Variants in CNTRL observed in about 807,000 individuals in gnomAD.
CNTRL encodes 110 kDa centrosomal protein.
In CNTRL, 233 loss-of-function variants were observed where a neutral mutation model predicts 303.7. That is an observed-to-expected ratio of 0.77 (90% CI 0.69 to 0.86). The LOEUF (loss-of-function observed/expected upper bound fraction) is 0.86, where lower values mean the gene tolerates loss of function less well. Among genes scored for constraint, CNTRL ranks in the 40% least tolerant of loss-of-function variants. The pLI is 0.00. For missense variants in CNTRL, 2,524 were observed against 2,650.6 expected (o/e 0.95, Z 1.05); for synonymous variants, 900 against 922.2 (o/e 0.98, Z 0.44).
intron 34 of CNTRL, among the ~76,000 whole-genome samples, chr9:121,163,189 A>T (rs926292331): frequency 7.6e-6 from 1 of 131,496 alleles, no homozygotes; most frequent in East Asian, 2.4e-4. Context: ...AAAAAAAAAA[A>T]ATAATAATAA....
At chr9:121,146,392 G>A (rs1221043872) in intron 23 of CNTRL, 136 bp downstream of exon 23, 21 of 854,058 alleles carry the variant, frequency 2.5e-5, no homozygotes, top group East Asian at 2.8e-5. Context: ...GTTCTGTAGC[G>A]TTTTTAATAT....
chr9:121,098,281 G>A, intron 6 of CNTRL, 105 bp from the exon 7 acceptor site: 5 of 850,158 alleles, frequency 5.9e-6, no homozygotes, highest in Non-Finnish European at 7.3e-6. Flanking sequence ...TTGGCTTCAT[G>A]AATAGATTCC....
At chr9:121,150,612 TA>T (rs901873321) in intron 25 of CNTRL, 129 bp downstream of exon 25, 2 of 852,952 alleles carry the variant, frequency 2.3e-6, no homozygotes, top group African/African-American at 3.4e-5. Flanking sequence ...GGCTGATGTT[TA>T]GAACTGTGCA....
intron 7 of CNTRL, among the ~76,000 whole-genome samples, chr9:121,099,559 T>C (rs2049043785): frequency 6.6e-6 from 1 of 152,202 alleles, no homozygotes; most frequent in African/African-American, 2.4e-5. Context: ...AGAATGACTT[T>C]AACGAGTTGA....
chr9:121,177,431 T>TA lies in CNTRL; in HGVS notation c.*247dup, dbSNP rs1588361111. On this transcript the variant is annotated 3_prime_UTR_variant, in exon 44 of 44. Transcript: ENST00000373855. ...ACATGTGGCTGAGCCTTTTTTTTTT[T>TA]AATCTTCGTAACATGTTTAAAAAAA... is the stretch of plus-strand genomic sequence containing the variant. 5.1e-6 allele frequency: 2 copies of TA among 395,550 alleles called. No individual in the cohort carries two copies. The highest frequency in any genetic ancestry group is 8.7e-5 in the South Asian group (1 of 11,442). The allele number at this position is 395,550 out of a possible 1,614,324, so 24.5% of individuals were successfully genotyped here.
chr9:121,083,292 T>A (rs1214278787), intron 2 of CNTRL, among the ~76,000 whole-genome samples: 1 of 152,234 alleles, frequency 6.6e-6, no homozygotes, highest in Non-Finnish European at 1.5e-5. Context: ...GTAGTAAAAC[T>A]TAGCTTAAAA....
chr9:121,158,303 A>G (rs1290331956), intron 30 of CNTRL, among the ~76,000 whole-genome samples, 194 bp downstream of exon 30: 1 of 152,134 alleles, frequency 6.6e-6, no homozygotes, highest in African/African-American at 2.4e-5. Flanking sequence ...AACATGGTAT[A>G]CTCTATGAGA....
At chr9:121,090,674 G>T in intron 4 of CNTRL, among the ~76,000 whole-genome samples, 1 of 152,320 alleles carries the variant, frequency 6.6e-6, no homozygotes, top group East Asian at 1.9e-4. Flanking sequence ...TGTAAGTAAA[G>T]TTTTATTGGA....
At chr9:121,096,114 G>A (rs1482398131) in intron 5 of CNTRL, among the ~76,000 whole-genome samples, 1 of 152,168 alleles carries the variant, frequency 6.6e-6, no homozygotes, top group Non-Finnish European at 1.5e-5. Context: ...CTGGCTGTTT[G>A]CTAGTACTGT....
intron 11 of CNTRL, among the ~76,000 whole-genome samples, chr9:121,117,379 CTT>C (rs149873029): frequency 0.081 from 12,295 of 152,154 alleles, 538 homozygotes; most frequent in Non-Finnish European, 0.11. Context: ...TATACAGACT[CTT>C]GAGAAATTTT....
rs1379396756 is a variant in CNTRL at position 121,128,858 on chromosome 9, A to G, written c.2025+2922A>G. On this transcript the variant is annotated intron_variant, in intron 14 of 43. Coordinates refer to ENST00000373855, the MANE Select transcript of CNTRL (RefSeq NM_007018.6). The stretch of plus-strand genomic sequence containing the variant: ...GAGATCCAGTTTCAGCTTTCTACAT[A>G]TGGCTAGCCAGTTTTCCCAGCACCA... Among the ~76,000 whole-genome samples the G allele has an allele frequency of 2.1e-5, 3 of 146,096 alleles. No individual in the cohort carries two copies. In the East Asian group the frequency reaches 6.3e-4, roughly 31 times the overall value.
intron 14 of CNTRL, among the ~76,000 whole-genome samples, chr9:121,133,216 C>T (rs1264526676): frequency 6.6e-6 from 1 of 152,240 alleles, no homozygotes; most frequent in Non-Finnish European, 1.5e-5. Context: ...GTTTCTGCTG[C>T]CTTTTGTTCA....
chr9:121,106,535 T>TATA (rs1478800851), intron 7 of CNTRL, among the ~76,000 whole-genome samples: 1 of 151,826 alleles, frequency 6.6e-6, no homozygotes, highest in Admixed American at 6.6e-5. Context: ...GGTGGGAAAA[T>TATA]AGGGAGTTCT....
chr9:121,175,303 A>G (rs149392648), intron 43 of CNTRL, 79 bp downstream of exon 43: 1,017 of 1,333,250 alleles, frequency 7.6e-4, no homozygotes, highest in Non-Finnish European at 9.6e-4. Context: ...GTCTTGCCCT[A>G]CCGCCCAGGC....
chr9:121,155,829 C>G (rs1392434371), intron 27 of CNTRL, among the ~76,000 whole-genome samples: 1 of 152,122 alleles, frequency 6.6e-6, no homozygotes, highest in Non-Finnish European at 1.5e-5. Flanking sequence ...TAGCCAAGGG[C>G]TCTTTTAGTT....
intron 31 of CNTRL, among the ~76,000 whole-genome samples, 165 bp downstream of exon 31, chr9:121,159,184 T>C (rs948377669): frequency 6.6e-6 from 1 of 152,218 alleles, no homozygotes; most frequent in African/African-American, 2.4e-5. Flanking sequence ...GTGGCTGTCA[T>C]GTGTAGTTCC....
At chr9:121,161,828 T>C in intron 32 of CNTRL, 28 bp from the exon 33 acceptor site, 1 of 1,485,566 alleles carries the variant, frequency 6.7e-7, no homozygotes. Context: ...TTTAATATCA[T>C]GGACCATGCT....
Position 121,165,039 on chromosome 9 carries a change from A to G in CNTRL, c.5520A>G (p.Gln1840=). 1 of 1,609,012 alleles carries G rather than the reference A, an allele frequency of 6.2e-7. No homozygotes were observed. The highest frequency in any genetic ancestry group is 1.3e-5 in the African/African-American group (1 of 74,668). The part of the protein sequence containing the change: ...NVRKLQQELD[Q]LNRDKLSLHN... ...GAAAACTGCAGCAGGAACTAGACCAACTAAACAGAGACAAGTTGTCACTGC... is the reference window on the plus strand; with the variant it reads ...GAAAACTGCAGCAGGAACTAGACCAGCTAAACAGAGACAAGTTGTCACTGC... Residue 1840 remains glutamine (Q), a synonymous_variant, in exon 35 of 44, where the codon CAA becomes CAG. Transcript: ENST00000373855.
chr9:121,132,165 G>T (rs2050902113), intron 14 of CNTRL, among the ~76,000 whole-genome samples: 1 of 152,132 alleles, frequency 6.6e-6, no homozygotes, highest in Non-Finnish European at 1.5e-5. Flanking sequence ...TCCTGAATTT[G>T]AATGTTGGCC....
Sources: allele counts gnomAD v4.1 joint callset (sites outside exome capture counted in the v4.1 genomes callset), GRCh38; gene constraint gnomAD v4.1.1; transcripts MANE v1.5; gene names NCBI Gene and HGNC (gene_info 2026-07-23, HGNC 2026-07-21).